Variants in CTNNA2 observed in about 807,000 individuals in gnomAD.
The protein encoded by CTNNA2 is catenin alpha 2.
In CTNNA2, 42 loss-of-function variants were observed where a neutral mutation model predicts 101.0. The ratio of observed to expected loss-of-function variants is 0.42; its 90% CI spans 0.32 to 0.54. The LOEUF (loss-of-function observed/expected upper bound fraction) is 0.54. CTNNA2 is among the 20% of genes least tolerant of loss of function. CTNNA2 has a pLI of 0.14. For synonymous variants in CTNNA2, 450 were observed against 456.4 expected (o/e 0.99, Z 0.18); for missense variants, 871 against 1,223.1 (o/e 0.71, Z 4.29).
intron 6 of CTNNA2, among the ~76,000 whole-genome samples, chr2:79,905,535 T>C (rs954337789): frequency 5.9e-5 from 9 of 152,174 alleles, no homozygotes; most frequent in African/African-American, 1.9e-4. Flanking sequence ...ATCCTTTCAC[T>C]CTTTGGTGTT....
intron 3 of CTNNA2, among the ~76,000 whole-genome samples, chr2:79,756,299 G>C (rs4852517): frequency 0.46 from 69,859 of 151,998 alleles, 17,969 homozygotes; most frequent in East Asian, 0.79. Context: ...GTCATTTGAA[G>C]TATTATCCAT....
intron 9 of CTNNA2, among the ~76,000 whole-genome samples, chr2:80,527,050 C>G (rs1023977186): frequency 6.6e-6 from 1 of 152,152 alleles, no homozygotes. Flanking sequence ...GTTGATGGCA[C>G]CACCCTGAGT....
chr2:79,886,944 G>C (rs111536026), intron 6 of CTNNA2, among the ~76,000 whole-genome samples: 11 of 151,246 alleles, frequency 7.3e-5, no homozygotes, highest in African/African-American at 2.4e-4. Context: ...TCAGCCTCCC[G>C]AGTAGCTAGG....
At chr2:80,270,623 T>A (rs993563253) in intron 7 of CTNNA2, among the ~76,000 whole-genome samples, 1 of 152,206 alleles carries the variant, frequency 6.6e-6, no homozygotes, top group Admixed American at 6.5e-5. Flanking sequence ...TCTCTTCAAA[T>A]CACTGTTTCT....
At chr2:79,641,681 G>A (rs1279824961) in intron 1 of CTNNA2, among the ~76,000 whole-genome samples, 1 of 152,176 alleles carries the variant, frequency 6.6e-6, no homozygotes. Flanking sequence ...TGATACTCAA[G>A]TGGAAAACAA....
intron 9 of CTNNA2, among the ~76,000 whole-genome samples, chr2:80,477,177 A>C (rs1685791358): frequency 1.3e-5 from 2 of 152,208 alleles, no homozygotes; most frequent in South Asian, 4.1e-4. Flanking sequence ...TATGTGGTAC[A>C]CATACACACG....
intron 4 of CTNNA2, among the ~76,000 whole-genome samples, chr2:79,495,941 T>C (rs1671251706): frequency 6.6e-6 from 1 of 151,764 alleles, no homozygotes; most frequent in Non-Finnish European, 1.5e-5. Flanking sequence ...ACTAGACTAG[T>C]GGTTTACTAT....
intron 7 of CTNNA2, among the ~76,000 whole-genome samples, chr2:80,291,661 G>A (rs1675261009): frequency 6.6e-6 from 1 of 152,174 alleles, no homozygotes; most frequent in African/African-American, 2.4e-5. Flanking sequence ...AGAGTTTGGG[G>A]CTTGGATAAC....
intron 4 of CTNNA2, among the ~76,000 whole-genome samples, chr2:79,383,106 A>C (rs891839932): frequency 3.9e-5 from 6 of 152,230 alleles, no homozygotes; most frequent in Non-Finnish European, 7.3e-5. Flanking sequence ...TATATGAAAA[A>C]GCATTTGTGA....
At chr2:80,412,482 A>G (rs999309245) in intron 8 of CTNNA2, among the ~76,000 whole-genome samples, 2 of 152,232 alleles carry the variant, frequency 1.3e-5, no homozygotes, top group African/African-American at 4.8e-5. Context: ...GCATTTGGCC[A>G]AAGAAATGAA....
chr2:80,012,126 G>C (rs1452744300), intron 7 of CTNNA2, among the ~76,000 whole-genome samples: 1 of 152,124 alleles, frequency 6.6e-6, no homozygotes. Flanking sequence ...CCTCTCTAAA[G>C]GCAGGCAGTG....
chr2:80,217,988 A>G (rs1439505219), intron 7 of CTNNA2, among the ~76,000 whole-genome samples: 1 of 152,212 alleles, frequency 6.6e-6, no homozygotes, highest in Non-Finnish European at 1.5e-5. Flanking sequence ...GTATCCTCTC[A>G]ATATGTTTGC....
intron 3 of CTNNA2, among the ~76,000 whole-genome samples, chr2:79,839,506 T>C (rs1679639447): frequency 6.6e-6 from 1 of 152,080 alleles, no homozygotes; most frequent in Non-Finnish European, 1.5e-5. Flanking sequence ...AAAAGGGCTC[T>C]TTTTCATTGT....
intron 2 of CTNNA2, among the ~76,000 whole-genome samples, chr2:79,736,443 T>G (rs1240380461): frequency 6.6e-6 from 1 of 152,344 alleles, no homozygotes; most frequent in South Asian, 2.1e-4. Context: ...CATTAAAACC[T>G]GACTGAAGAT....
intron 18 of CTNNA2, among the ~76,000 whole-genome samples, chr2:80,620,195 GA>G (rs990728371): frequency 5.9e-5 from 9 of 151,774 alleles, no homozygotes; most frequent in Non-Finnish European, 1.5e-5. Flanking sequence ...AGGGTGGGAT[GA>G]AAGCATCCTG....
chr2:80,602,634 A>C (rs1035386600), intron 15 of CTNNA2, among the ~76,000 whole-genome samples: 3 of 152,088 alleles, frequency 2.0e-5, no homozygotes, highest in Admixed American at 1.3e-4. Flanking sequence ...AAAAATAAAA[A>C]CCATTTATTT....
intron 1 of CTNNA2, among the ~76,000 whole-genome samples, chr2:79,651,012 A>G (rs964986327): frequency 6.6e-6 from 1 of 152,112 alleles, no homozygotes; most frequent in African/African-American, 2.4e-5. Flanking sequence ...AAAAGTCAGG[A>G]AACAACAGGT....
rs568765554 is a variant in CTNNA2 at position 79,813,139 on chromosome 2, CT to C, written c.299-44871del. ...GAAAGTCCTGGGTAAAGCAGATTGA[CT>C]TTGTCACCCAAAATTTCAAAGCCTG... On this transcript the variant is annotated intron_variant, in intron 3 of 18. Transcript: ENST00000402739. 6.6e-5 allele frequency among the ~76,000 whole-genome samples: 10 copies of C among 152,328 alleles called. No homozygotes were observed. In the South Asian group the frequency reaches 2.1e-3, roughly 32 times the overall value.
At chr2:79,656,608 A>G (rs1252159573) in intron 2 of CTNNA2, among the ~76,000 whole-genome samples, 2 of 152,094 alleles carry the variant, frequency 1.3e-5, no homozygotes. Flanking sequence ...TATGAGGCCT[A>G]TACATTTATT....
Sources: allele counts gnomAD v4.1 joint callset (sites outside exome capture counted in the v4.1 genomes callset), GRCh38; gene constraint gnomAD v4.1.1; transcripts MANE v1.5; gene names NCBI Gene and HGNC (gene_info 2026-07-23, HGNC 2026-07-21).